STAU2: variants seen among roughly 807,000 people sequenced by gnomAD.
STAU2 encodes the protein staufen double-stranded RNA binding protein 2, also known as double-stranded RNA-binding protein Staufen homolog 2.
Under a neutral mutation model 65.9 loss-of-function variants are expected in STAU2, and 20 were observed. The ratio of observed to expected loss-of-function variants is 0.30; its 90% CI spans 0.21 to 0.44. The LOEUF (loss-of-function observed/expected upper bound fraction) is 0.44. Among genes scored for constraint, STAU2 ranks in the 20% least tolerant of loss-of-function variants. STAU2 has a pLI of 1.00. For synonymous variants in STAU2, 232 were observed against 233.9 expected (o/e 0.99, Z 0.07); for missense variants, 558 against 683.9 (o/e 0.82, Z 2.05).
chr8:73,698,775 C>G (rs747611899), intron 4 of STAU2, among the ~76,000 whole-genome samples: 1 of 151,988 alleles, frequency 6.6e-6, no homozygotes, highest in African/African-American at 2.4e-5. Context: ...AAAGAAACAT[C>G]AGAGTTATTC....
At position 73,716,159 on chromosome 8, in the gene STAU2, G is replaced by A. The variant is rs549223328; in HGVS notation, c.-17-6997C>T. ...GCTGGAGTGCAGTGGTGTGATCTTG[G>A]CTCACTGCAAGCTCCGCCTCCCGGG... On this transcript the variant is annotated intron_variant, in intron 3 of 14. Coordinates refer to ENST00000524300, the MANE Select transcript of STAU2 (RefSeq NM_001164380.2). 3.7e-3 allele frequency among the ~76,000 whole-genome samples: 557 copies of A among 151,400 alleles called. 3 individuals are homozygous for A. Among genetic ancestry groups the A allele is most frequent in the South Asian group, 9.4e-3 (45 of 4,802 alleles).
chr8:73,613,211 G>A (rs1812597667), intron 9 of STAU2, among the ~76,000 whole-genome samples: 1 of 152,198 alleles, frequency 6.6e-6, no homozygotes, highest in African/African-American at 2.4e-5. Flanking sequence ...ATTTCCAGCT[G>A]CTGTAGCTAT....
intron 3 of STAU2, among the ~76,000 whole-genome samples, chr8:73,711,925 G>A (rs1306957299): frequency 6.6e-6 from 1 of 152,018 alleles, no homozygotes; most frequent in Non-Finnish European, 1.5e-5. Flanking sequence ...TTTAAAAAGG[G>A]ATTAAAACAA....
intron 13 of STAU2, among the ~76,000 whole-genome samples, chr8:73,488,627 GTTTCA>G (rs1821028211): frequency 6.7e-6 from 1 of 150,126 alleles, no homozygotes; most frequent in Non-Finnish European, 1.5e-5. Flanking sequence ...GTTTTTCACT[GTTTCA>G]TTTATGAGTT....
intron 13 of STAU2, among the ~76,000 whole-genome samples, chr8:73,493,847 T>A (rs1294396896): frequency 2.6e-5 from 4 of 151,762 alleles, no homozygotes; most frequent in Non-Finnish European, 5.9e-5. Flanking sequence ...CAGGTGTCTA[T>A]CAAAAGGAAA....
intron 1 of STAU2, among the ~76,000 whole-genome samples, chr8:73,745,481 C>T (rs1480987223): frequency 6.6e-6 from 1 of 152,234 alleles, no homozygotes; most frequent in African/African-American, 2.4e-5. Context: ...GCCTGTCCAT[C>T]ACAATTTTGA....
At chr8:73,614,509 TA>T (rs1310274844) in intron 8 of STAU2, among the ~76,000 whole-genome samples, 2 of 152,160 alleles carry the variant, frequency 1.3e-5, no homozygotes, top group South Asian at 2.1e-4. Flanking sequence ...GACACGATTT[TA>T]AAAAGGTAAG....
At chr8:73,685,428 G>GT (rs1818734352) in intron 5 of STAU2, among the ~76,000 whole-genome samples, 1 of 150,350 alleles carries the variant, frequency 6.7e-6, no homozygotes, top group African/African-American at 2.5e-5. Context: ...CCAGGCTGGA[G>GT]TGCAGTGGTG....
intron 13 of STAU2, among the ~76,000 whole-genome samples, chr8:73,505,091 C>CA (rs1821987207): frequency 6.6e-6 from 1 of 151,958 alleles, no homozygotes; most frequent in South Asian, 2.1e-4. Flanking sequence ...AGTTATCCAC[C>CA]AAATCATCTC....
intron 6 of STAU2, among the ~76,000 whole-genome samples, chr8:73,663,018 A>G (rs767006257): frequency 6.6e-6 from 1 of 152,130 alleles, no homozygotes; most frequent in Non-Finnish European, 1.5e-5. Context: ...TTAATTTTGA[A>G]AGAATTAAAT....
intron 6 of STAU2, among the ~76,000 whole-genome samples, chr8:73,625,135 T>C (rs1374644930): frequency 6.6e-6 from 1 of 152,126 alleles, no homozygotes; most frequent in African/African-American, 2.4e-5. Context: ...ATGGTGCAGT[T>C]GCTATGGAAA....
At chr8:73,600,988 TTAAG>T (rs1385154172) in intron 10 of STAU2, among the ~76,000 whole-genome samples, 1 of 152,226 alleles carries the variant, frequency 6.6e-6, no homozygotes, top group East Asian at 1.9e-4. Context: ...ATTATAAAAG[TTAAG>T]TAAGTTTATA....
At chr8:73,617,075 T>C (rs988835336) in intron 7 of STAU2, among the ~76,000 whole-genome samples, 1 of 151,734 alleles carries the variant, frequency 6.6e-6, no homozygotes, top group Non-Finnish European at 1.5e-5. Context: ...CTCATATACA[T>C]CCCCAAATCC....
chr8:73,523,712 C>T (rs1823188005), intron 13 of STAU2, among the ~76,000 whole-genome samples: 1 of 152,090 alleles, frequency 6.6e-6, no homozygotes, highest in African/African-American at 2.4e-5. Context: ...TTTCACCAAC[C>T]ATCATGTAAC....
intron 9 of STAU2, 106 bp from the exon 10 acceptor site, chr8:73,603,969 T>C (rs1414453698): frequency 8.3e-7 from 1 of 1,209,480 alleles, no homozygotes; most frequent in Non-Finnish European, 1.1e-6. Flanking sequence ...CCCAAAACTG[T>C]GACTAGAAAA....
At chr8:73,599,495 C>T (rs1670222903) in intron 10 of STAU2, among the ~76,000 whole-genome samples, 1 of 152,108 alleles carries the variant, frequency 6.6e-6, no homozygotes, top group Non-Finnish European at 1.5e-5. Context: ...TACCAGTTAT[C>T]ATTTTACTTA....
intron 13 of STAU2, among the ~76,000 whole-genome samples, chr8:73,516,733 C>T (rs1822748528): frequency 6.6e-6 from 1 of 152,114 alleles, no homozygotes; most frequent in Admixed American, 6.5e-5. Flanking sequence ...AAATCATACG[C>T]AACACCATAA....
At chr8:73,616,371 A>G (rs961581118) in intron 7 of STAU2, among the ~76,000 whole-genome samples, 1 of 152,222 alleles carries the variant, frequency 6.6e-6, no homozygotes, top group African/African-American at 2.4e-5. Flanking sequence ...ATCAAGAAAT[A>G]GATAGGAGCT....
At chr8:73,628,305 A>C (rs1813839577) in intron 6 of STAU2, among the ~76,000 whole-genome samples, 1 of 151,474 alleles carries the variant, frequency 6.6e-6, no homozygotes, top group Admixed American at 6.6e-5. Context: ...TTCCTGGGCT[A>C]AAGCAATCCT....
Sources: allele counts gnomAD v4.1 joint callset (sites outside exome capture counted in the v4.1 genomes callset), GRCh38; gene constraint gnomAD v4.1.1; transcripts MANE v1.5; gene names NCBI Gene and HGNC (gene_info 2026-07-23, HGNC 2026-07-21).